The following ARHGAP29 variants were observed in gnomAD, a reference collection of about 807,000 sequenced individuals.
ARHGAP29 encodes rho GTPase-activating protein 29.
A neutral mutation model predicts 122.6 loss-of-function variants in ARHGAP29; 43 were observed. The observed-to-expected ratio is 0.35, with a 90% confidence interval of 0.27 to 0.45. ARHGAP29 has a LOEUF of 0.45. Ranked by LOEUF, ARHGAP29 falls within the 20% of genes least tolerant of loss-of-function variation. The pLI is 1.00. For missense variants in ARHGAP29, 1,303 were observed against 1,477.2 expected, an observed-to-expected ratio of 0.88 and a Z score of 1.93; for synonymous variants, 506 against 497.1, an observed-to-expected ratio of 1.02 and a Z score of -0.24.
chr1:94,287,752 T>C, the ARHGAP29 span, among the ~76,000 whole-genome samples: 8 of 151,502 alleles, frequency 5.3e-5, no homozygotes, highest in African/African-American at 1.9e-4. Flanking sequence ...ACATGCGATG[T>C]TTGGTTTTCT....
At chr1:94,237,367 G>A in intron 1 of ARHGAP29, 48 bp downstream of exon 1, 3 of 981,764 alleles carry the variant, frequency 3.1e-6, no homozygotes, top group Non-Finnish European at 3.6e-6. Flanking sequence ...CCCCAGCCCG[G>A]AGCCACGACC....
chr1:94,186,479 A>G lies in ARHGAP29; in HGVS notation c.1780+20T>C, dbSNP rs371066879. The G allele has an allele frequency of 1.1e-5, 17 of 1,566,616 alleles. No homozygotes were observed. Among genetic ancestry groups the G allele is most frequent in the Non-Finnish European group, 1.4e-5 (16 of 1,137,926 alleles). On this transcript the variant is annotated intron_variant, in intron 16 of 22. Coordinates refer to ENST00000260526, the MANE Select transcript of ARHGAP29 (RefSeq NM_004815.4). Reference sequence around the variant, plus strand: ...TGATTGAGCTGGTTTAGTGGGACTTAATTCAGGTAAATACAATACCAGTTT... The same window carrying G: ...TGATTGAGCTGGTTTAGTGGGACTTGATTCAGGTAAATACAATACCAGTTT...
intron 1 of ARHGAP29, among the ~76,000 whole-genome samples, chr1:94,274,726 A>G (rs1372305599): frequency 6.6e-6 from 1 of 152,224 alleles, no homozygotes; most frequent in Non-Finnish European, 1.5e-5. Context: ...GTACAGGCCA[A>G]TGGTCCTTTG....
At chr1:94,187,407 T>C (rs1037495972) in intron 15 of ARHGAP29, among the ~76,000 whole-genome samples, 3 of 152,248 alleles carry the variant, frequency 2.0e-5, no homozygotes, top group Non-Finnish European at 4.4e-5. Flanking sequence ...TCACTTTGAA[T>C]GTGCCCCCAA....
rs1228597010 is a variant in ARHGAP29, at chr1:94,201,797, C to A, written c.1204G>T (p.Asp402Tyr). 5.0e-6 allele frequency: 8 copies of A among 1,613,512 alleles called. No homozygotes were observed. The highest frequency in any genetic ancestry group is 2.2e-5 in the East Asian group (1 of 44,856). ...ATTTCTCTTTTGGTATTTTCTAGATCATTTCTTCTTTCTTCAACATTTGTC... is the reference window on the plus strand; with the variant it reads ...ATTTCTCTTTTGGTATTTTCTAGATAATTTCTTCTTTCTTCAACATTTGTC... ...CVTNVEERRN[D>Y]LENTKREILA... The change falls in exon 12 of 23, where the codon GAT (aspartate) becomes TAT (tyrosine). Residue 402 changes from aspartate (D) to tyrosine (Y), a missense_variant. By Grantham distance (160) the Asp-to-Tyr change is radical. Coordinates refer to ENST00000260526, the MANE Select transcript of ARHGAP29 (RefSeq NM_004815.4).
chr1:94,201,665 G>GCCTT, intron 12 of ARHGAP29, 55 bp downstream of exon 12: 1 of 1,604,266 alleles, frequency 6.2e-7, no homozygotes, highest in Non-Finnish European at 8.5e-7. Flanking sequence ...GAGCCACCAT[G>GCCTT]CCTTGCCTGA....
At chr1:94,301,073 G>A in the ARHGAP29 span, among the ~76,000 whole-genome samples, 2 of 152,192 alleles carry the variant, frequency 1.3e-5, no homozygotes, top group Non-Finnish European at 2.9e-5. Flanking sequence ...AAACTTTCTC[G>A]TTTAACTCTA....
rs771666512 is a variant in ARHGAP29, at chr1:94,189,227, G to C, written c.1565C>G (p.Ala522Gly). The change falls in exon 14 of 23, where the codon GCA becomes GGA. Residue 522 changes from alanine to glycine, a missense_variant. Ala to Gly is a moderately conservative substitution (Grantham distance 60, BLOSUM62 0). Coordinates refer to ENST00000260526, the MANE Select transcript of ARHGAP29 (RefSeq NM_004815.4). ...KIEEDRCSNS[A>G]DITGPSFIRS... ...GGGTGGAAAACTACCTGTTATATCTGCACTGTTAGAGCATCTGTCCTCTTC... is the reference window on the plus strand; with the variant it reads ...GGGTGGAAAACTACCTGTTATATCTCCACTGTTAGAGCATCTGTCCTCTTC... The C allele has an allele frequency of 1.2e-6, 2 of 1,609,694 alleles. No homozygotes were observed. The highest frequency in any genetic ancestry group is 1.7e-6 in the Non-Finnish European group (2 of 1,178,624).
intron 1 of ARHGAP29, among the ~76,000 whole-genome samples, chr1:94,250,884 C>T (rs1687950): frequency 0.12 from 17,684 of 152,160 alleles, 1,238 homozygotes; most frequent in African/African-American, 0.18. Flanking sequence ...TGAGCCATCA[C>T]ATACCATAAC....
At chr1:94,187,277 C>T (rs1423366780) in intron 15 of ARHGAP29, among the ~76,000 whole-genome samples, 2 of 152,178 alleles carry the variant, frequency 1.3e-5, no homozygotes, top group African/African-American at 4.8e-5. Context: ...TTCACCTTAA[C>T]GTAAGGCCTT....
At position 94,184,204 on chromosome 1, in the gene ARHGAP29, A is replaced by C. The variant is rs1181949413; in HGVS notation, c.2194T>G (p.Ser732Ala). 1 of 1,610,978 alleles carries C rather than the reference A, an allele frequency of 6.2e-7. No homozygotes were observed. The highest frequency in any genetic ancestry group is 2.2e-5 in the East Asian group (1 of 44,648). The part of the protein sequence containing the change: ...LENGMHLVDI[S>A]EFSSHDICDV... ...CAGATATCATGTGAACTAAATTCTGAAATATCTACCAAGTGCATTCCATTT... is the reference window on the plus strand; with the variant it reads ...CAGATATCATGTGAACTAAATTCTGCAATATCTACCAAGTGCATTCCATTT... The change falls in exon 19 of 23, where the codon TCA becomes GCA. Residue 732 changes from serine to alanine, a missense_variant. Around this residue, in one of 3 missense-constraint regions of ARHGAP29, gnomAD observed 620 missense variants for 651.2 expected, o/e 0.95. Coordinates refer to ENST00000260526, the MANE Select transcript of ARHGAP29 (RefSeq NM_004815.4).
chr1:94,278,833 C>A (rs1655267532), upstream of ARHGAP29, among the ~76,000 whole-genome samples: 1 of 152,198 alleles, frequency 6.6e-6, no homozygotes, highest in Non-Finnish European at 1.5e-5. Context: ...TTTGGATCAA[C>A]CCAACTGTCA....
At chr1:94,264,658 G>A (rs1654695131) in intron 1 of ARHGAP29, among the ~76,000 whole-genome samples, 1 of 152,056 alleles carries the variant, frequency 6.6e-6, no homozygotes, top group African/African-American at 2.4e-5. Context: ...CTGGGGCTCA[G>A]TCACCTGGTC....
upstream of ARHGAP29, among the ~76,000 whole-genome samples, chr1:94,242,397 G>T (rs201644542): frequency 1.3e-5 from 2 of 152,060 alleles, no homozygotes; most frequent in Admixed American, 1.3e-4. Context: ...AAACAAAGTA[G>T]TAACAATATG....
chr1:94,285,619 G>A, the ARHGAP29 span, among the ~76,000 whole-genome samples: 5 of 152,096 alleles, frequency 3.3e-5, no homozygotes, highest in East Asian at 9.7e-4. Context: ...ACATTCGCCT[G>A]TAATCCCAGC....
chr1:94,271,593 G>T (rs2100733358), intron 1 of ARHGAP29, among the ~76,000 whole-genome samples: 1 of 152,262 alleles, frequency 6.6e-6, no homozygotes. Context: ...TAAAACATTG[G>T]AATGGCCTAC....
chr1:94,173,646 A>T lies in ARHGAP29; in HGVS notation c.*223T>A. 1 of 483,454 alleles carries T rather than the reference A, an allele frequency of 2.1e-6. No homozygotes were observed. The highest frequency in any genetic ancestry group is 3.5e-6 in the Non-Finnish European group (1 of 282,700). 29.9% of individuals were successfully genotyped at this position (483,454 alleles called of 1,614,324 possible). ...ACCTATCTTATTCACAACTTTAAAAATACAGAATTTAAAGATAATTCCAGT... is the reference window on the plus strand; with the variant it reads ...ACCTATCTTATTCACAACTTTAAAATTACAGAATTTAAAGATAATTCCAGT... On this transcript the variant is annotated 3_prime_UTR_variant, in exon 23 of 23. Coordinates refer to ENST00000260526, the MANE Select transcript of ARHGAP29 (RefSeq NM_004815.4).
At chr1:94,275,817 A>C (rs566191647), upstream of ARHGAP29, among the ~76,000 whole-genome samples, 2 of 152,150 alleles carry the variant, frequency 1.3e-5, no homozygotes, top group Non-Finnish European at 2.9e-5. Flanking sequence ...CTATTTCTTG[A>C]TTATGCTTTA....
At chr1:94,238,053 ATTTTT>A (rs71717670), upstream of ARHGAP29, among the ~76,000 whole-genome samples, 2 of 61,052 alleles carry the variant, frequency 3.3e-5, no homozygotes, top group African/African-American at 1.6e-4. Context: ...GCCTATCTGT[ATTTTT>A]TTTTTTTTTT....
Sources: allele counts gnomAD v4.1 joint callset (sites outside exome capture counted in the v4.1 genomes callset), GRCh38; gene constraint gnomAD v4.1.1; regional missense constraint gnomAD v4.1.1; transcripts MANE v1.5; gene names NCBI Gene and HGNC (gene_info 2026-07-23, HGNC 2026-07-21).